The following ARHGAP33 variants were observed in gnomAD, a reference collection of about 807,000 sequenced individuals.
ARHGAP33 encodes rho GTPase-activating protein 33.
Under a neutral mutation model 126.2 loss-of-function variants are expected in ARHGAP33, and 57 were observed. That is an observed-to-expected ratio of 0.45 (90% CI 0.36 to 0.56). ARHGAP33 has a LOEUF of 0.56. Ranked by LOEUF, ARHGAP33 falls within the 20% of genes least tolerant of loss-of-function variation. The pLI, the probability that ARHGAP33 is intolerant of heterozygous loss-of-function variation, is 0.00. For missense variants in ARHGAP33, 1,500 were observed against 1,748.3 expected, an observed-to-expected ratio of 0.86 and a Z score of 2.53; for synonymous variants, 711 against 755.0, an observed-to-expected ratio of 0.94 and a Z score of 0.95.
chr19:35,787,655 C>A lies in ARHGAP33; in HGVS notation c.3090C>A (p.Pro1030=), dbSNP rs199649209. The part of the protein sequence containing the change: ...PCSVPSQVPT[P]GFFSPAPREC... ...CTGTCCCCTCACAGGTTCCTACCCC[C>A]GGCTTCTTCTCCCCAGCCCCCAGGG... Residue 1030 remains proline, a synonymous_variant, in exon 21 of 21, where the codon CCC becomes CCA. Transcript: ENST00000007510. The A allele has an allele frequency of 1.8e-5, 29 of 1,592,970 alleles. No individual in the cohort carries two copies. Among genetic ancestry groups the A allele is most frequent in the Non-Finnish European group, 2.5e-5 (29 of 1,174,360 alleles).
chr19:35,776,548 A>G (rs542249610), intron 1 of ARHGAP33, among the ~76,000 whole-genome samples: 9 of 152,324 alleles, frequency 5.9e-5, no homozygotes, highest in African/African-American at 1.7e-4. Context: ...GCTACAGCCC[A>G]GTGAATCTGT....
chr19:35,781,692 G>T (rs1971790223), intron 12 of ARHGAP33, among the ~76,000 whole-genome samples: 1 of 152,224 alleles, frequency 6.6e-6, no homozygotes, highest in African/African-American at 2.4e-5. Context: ...TCTGGAGGAG[G>T]GGAGGGGCAG....
chr19:35,784,862 C>T (rs1599794926), intron 16 of ARHGAP33, 91 bp from the exon 17 acceptor site: 7 of 1,408,618 alleles, frequency 5.0e-6, no homozygotes, highest in East Asian at 5.5e-5. Flanking sequence ...GGGCATGCTG[C>T]GGGGCCGGGG....
In ARHGAP33 at chr19:35,785,125, G is replaced by A. The variant is rs76944066; in HGVS notation, c.1721+19G>A. Reference sequence around the variant, plus strand: ...CGGAAAGGTGAGTGGGATGCTGGGGGTGGCGAGGGGCAGGTGGAGGCCTGG... The same window carrying A: ...CGGAAAGGTGAGTGGGATGCTGGGGATGGCGAGGGGCAGGTGGAGGCCTGG... On this transcript the variant is annotated intron_variant, in intron 17 of 20. Transcript: ENST00000007510. 5,795 of 1,591,004 alleles carry A rather than the reference G, an allele frequency of 3.6e-3. 316 individuals carry two copies. In the East Asian group the frequency reaches 0.12, roughly 32 times the overall value.
In ARHGAP33 at chr19:35,780,925, C is replaced by T; in HGVS notation, c.835C>T (p.Pro279Ser). Residue 279 changes from proline to serine, a missense_variant, in exon 11 of 21, where the codon CCA (proline) becomes TCA (serine). Coordinates refer to ENST00000007510, the MANE Select transcript of ARHGAP33 (RefSeq NM_001366178.1). ...QGISSLTSAV[P>S]RPRGKLAGLL... ...TTTGCCCCTTGCCCCCACAGCTGTG[C>T]CACGGCCTCGTGGGAAGCTGGCCGG... 6.2e-7 allele frequency: 1 copy of T among 1,609,572 alleles called. No homozygotes were observed. The highest frequency in any genetic ancestry group is 8.5e-7 in the Non-Finnish European group (1 of 1,179,950).
At position 35,787,659 on chromosome 19, in the gene ARHGAP33, T is replaced by C; in HGVS notation, c.3094T>C (p.Phe1032Leu). 6.3e-7 allele frequency: 1 copy of C among 1,592,680 alleles called. No individual in the cohort carries two copies. Among genetic ancestry groups the C allele is most frequent in the Non-Finnish European group, 8.5e-7 (1 of 1,173,980 alleles). ...SVPSQVPTPG[F>L]FSPAPRECLP... ...CCCCTCACAGGTTCCTACCCCCGGCTTCTTCTCCCCAGCCCCCAGGGAGTG... is the reference window on the plus strand; with the variant it reads ...CCCCTCACAGGTTCCTACCCCCGGCCTCTTCTCCCCAGCCCCCAGGGAGTG... The change falls in exon 21 of 21, where the codon TTC (phenylalanine) becomes CTC (leucine). Residue 1032 changes from phenylalanine to leucine, a missense_variant. This residue lies in a region of ARHGAP33 where 642 missense variants were observed against 634.0 expected (regional missense o/e 1.01). Transcript: ENST00000007510.
chr19:35,775,689 C>G lies in ARHGAP33; in HGVS notation c.6+25C>G, dbSNP rs147940840. On this transcript the variant is annotated intron_variant, in intron 1 of 20. Coordinates refer to ENST00000007510, the MANE Select transcript of ARHGAP33 (RefSeq NM_001366178.1). The stretch of plus-strand genomic sequence containing the variant: ...GGTAAGGGTCCCACGCGGCCGTCAG[C>G]CTGTCCGTCCGGATGTCAGTCTGTC... 7.4e-3 allele frequency: 11,393 copies of G among 1,537,218 alleles called. 392 individuals carry two copies. The highest frequency in any genetic ancestry group is 0.068 in the South Asian group (5,566 of 81,934).
Position 35,782,267 on chromosome 19 carries a change from G to C in ARHGAP33, c.1086-106G>C. The C allele has an allele frequency of 7.5e-7, 1 of 1,328,816 alleles. No individual in the cohort carries two copies. Among genetic ancestry groups the C allele is most frequent in the Non-Finnish European group, 1.0e-6 (1 of 954,298 alleles). 82.3% of individuals were successfully genotyped at this position (1,328,816 alleles called of 1,614,324 possible). On this transcript the variant is annotated intron_variant, in intron 12 of 20. Coordinates refer to ENST00000007510, the MANE Select transcript of ARHGAP33 (RefSeq NM_001366178.1). This position sits in a 1 kb window ranked among gnomAD's most constrained non-coding sequence, Gnocchi z 4.1. ...CCCAGTGTAGGACCTGGGGAAGAGG[G>C]TTCCATCCACCTGCGGGCACTTGGG...
chr19:35,780,882 C>T (rs369391023), intron 10 of ARHGAP33, 38 bp from the exon 11 acceptor site: 95 of 1,612,064 alleles, frequency 5.9e-5, no homozygotes, highest in South Asian at 8.8e-5. Context: ...GCTGACCCCA[C>T]AAGACCTGCC....
rs1971877314 is a variant in ARHGAP33 at position 35,782,928 on chromosome 19, C to A, written c.1421+59C>A. 7.0e-7 allele frequency: 1 copy of A among 1,436,778 alleles called. No homozygotes were observed. Among genetic ancestry groups the A allele is most frequent in the Non-Finnish European group, 9.6e-7 (1 of 1,046,294 alleles). The allele number at this position is 1,436,778 out of a possible 1,614,324, so 89.0% of individuals were successfully genotyped here. ...TCTTTCCCCAAAACCACCCCAGGAA[C>A]CCGCCCAGCTTTTCTTTTGTTTATT... On this transcript the variant is annotated intron_variant, in intron 15 of 20. Coordinates refer to ENST00000007510, the MANE Select transcript of ARHGAP33 (RefSeq NM_001366178.1). This position sits in a 1 kb window ranked among gnomAD's most constrained non-coding sequence, Gnocchi z 4.1.
At chr19:35,779,258 CTGTG>C in intron 6 of ARHGAP33, 134 bp downstream of exon 6, 1 of 663,166 alleles carries the variant, frequency 1.5e-6, no homozygotes, top group Non-Finnish European at 2.6e-6. Context: ...ATTTTAGTGT[CTGTG>C]TGGGCGCATG....
At chr19:35,778,622 G>A (rs1415447717) in intron 5 of ARHGAP33, 21 bp downstream of exon 5, 1 of 1,608,116 alleles carries the variant, frequency 6.2e-7, no homozygotes, top group Non-Finnish European at 8.5e-7. Flanking sequence ...TGTTGTCTCA[G>A]CCCCTGCCTC....
chr19:35,784,711 CTG>C lies in ARHGAP33; in HGVS notation c.1568-241_1568-240del, dbSNP rs983263934. On this transcript the variant is annotated intron_variant, in intron 16 of 20. Coordinates refer to ENST00000007510, the MANE Select transcript of ARHGAP33 (RefSeq NM_001366178.1). ...CGGAGGGCCCTCTGGCCCGAGGTAACTGAAGCCAGAGCCGCTGCCCTCGCTGG... is the reference window on the plus strand; with the variant it reads ...CGGAGGGCCCTCTGGCCCGAGGTAACAAGCCAGAGCCGCTGCCCTCGCTGG... The C allele has an allele frequency of 7.2e-6, 9 of 1,254,608 alleles. No individual in the cohort carries two copies. In the African/African-American group the frequency reaches 9.8e-5, roughly 14 times the overall value. 77.7% of individuals were successfully genotyped at this position (1,254,608 alleles called of 1,614,324 possible).
Position 35,786,756 on chromosome 19 carries a change from AC to A in ARHGAP33, c.2292del (p.Ala765ProfsTer10). ...GDPAPPASPA[P>X]PAPASAFPPR... Reference sequence around the variant, plus strand: ...ATCCCGCACCTCCCGCCAGCCCAGCACCCCCCGCCCCTGCCTCTGCCTTCCC... The same window carrying A: ...ATCCCGCACCTCCCGCCAGCCCAGCACCCCCGCCCCTGCCTCTGCCTTCCC... On this transcript the variant is annotated frameshift_variant, in exon 20 of 21. Coordinates refer to ENST00000007510, the MANE Select transcript of ARHGAP33 (RefSeq NM_001366178.1). LOFTEE classifies it high-confidence loss of function. The surrounding 1 kb of genome is among the most constrained non-coding windows in gnomAD (Gnocchi z 7.0). 2 of 1,497,146 alleles carry A rather than the reference AC, an allele frequency of 1.3e-6. No individual in the cohort carries two copies. Among genetic ancestry groups the A allele is most frequent in the Non-Finnish European group, 1.8e-6 (2 of 1,128,602 alleles). 92.7% of individuals were successfully genotyped at this position (1,497,146 alleles called of 1,614,324 possible).
chr19:35,777,747 G>A lies in ARHGAP33; in HGVS notation c.104+5G>A. 2 of 1,613,308 alleles carry A rather than the reference G, an allele frequency of 1.2e-6. No homozygotes were observed. Among genetic ancestry groups the A allele is most frequent in the Non-Finnish European group, 1.7e-6 (2 of 1,179,582 alleles). On this transcript the variant is annotated splice_donor_5th_base_variant and intron_variant, in intron 2 of 20. Coordinates refer to ENST00000007510, the MANE Select transcript of ARHGAP33 (RefSeq NM_001366178.1). ...GAAGGGGAAGCCTGGGAAGAGGTGA[G>A]GGTGAGGGAGGAAAGGGCTCAGCTA... is the stretch of plus-strand genomic sequence containing the variant.
chr19:35,786,182 A>G lies in ARHGAP33; in HGVS notation c.1943-231A>G, dbSNP rs1182008545. 8 of 1,387,996 alleles carry G rather than the reference A, an allele frequency of 5.8e-6. No homozygotes were observed. Among genetic ancestry groups the G allele is most frequent in the Non-Finnish European group, 6.5e-6 (7 of 1,075,100 alleles). The allele number at this position is 1,387,996 out of a possible 1,614,324, so 86.0% of individuals were successfully genotyped here. ...GCTGTCCTGCTGGCTCAGCAGCTGT[A>G]TGTGAATCTGTTGGTCTCGTGCTCA... is the stretch of plus-strand genomic sequence containing the variant. On this transcript the variant is annotated intron_variant, in intron 19 of 20. Transcript: ENST00000007510. The surrounding 1 kb of genome is among the most constrained non-coding windows in gnomAD (Gnocchi z 7.0).
rs1004695982 is a variant in ARHGAP33 at position 35,786,509 on chromosome 19, CGTCCTCCTCCTCCGA to C, written c.2052_2066del (p.Glu690_Ser694del). 1.1e-4 allele frequency: 171 copies of C among 1,535,986 alleles called. No homozygotes were observed. The highest frequency in any genetic ancestry group is 1.4e-4 in the Non-Finnish European group (166 of 1,146,864). On this transcript the variant is annotated inframe_deletion, in exon 20 of 21. Transcript: ENST00000007510. The surrounding 1 kb of genome is among the most constrained non-coding windows in gnomAD (Gnocchi z 7.0). ...GCTGGCTCCTGCGAGAGCCTGTCCTCGTCCTCCTCCTCCGAGTCCTCCTCCTCTGAGTCCTCCTCT... is the reference window on the plus strand; with the variant it reads ...GCTGGCTCCTGCGAGAGCCTGTCCTCGTCCTCCTCCTCTGAGTCCTCCTCT...
At position 35,787,385 on chromosome 19, in the gene ARHGAP33, C is replaced by T. The variant is rs538842709; in HGVS notation, c.2820C>T (p.Gly940=). The change falls in exon 21 of 21, where the codon GGC becomes GGT. Residue 940 remains glycine, a synonymous_variant. Coordinates refer to ENST00000007510, the MANE Select transcript of ARHGAP33 (RefSeq NM_001366178.1). Reference sequence around the variant, plus strand: ...ACCGCTCGCTGTCTCTGGAGGTGGGCGGGGAGCCCCTGGGGACCTCAGGGA... The same window carrying T: ...ACCGCTCGCTGTCTCTGGAGGTGGGTGGGGAGCCCCTGGGGACCTCAGGGA... ...PFHRSLSLEV[G]GEPLGTSGSG... 6.8e-5 allele frequency: 109 copies of T among 1,609,160 alleles called. No homozygotes were observed. Among genetic ancestry groups the T allele is most frequent in the South Asian group, 2.0e-4 (18 of 90,830 alleles).
intron 1 of ARHGAP33, 74 bp downstream of exon 1, chr19:35,775,738 C>T (rs1009927108): frequency 9.3e-6 from 13 of 1,403,270 alleles, no homozygotes; most frequent in African/African-American, 3.0e-5. Flanking sequence ...GCCCCGCGCG[C>T]CCCGCCCCCG....
Sources: allele counts gnomAD v4.1 joint callset (sites outside exome capture counted in the v4.1 genomes callset), GRCh38; gene constraint gnomAD v4.1.1; regional missense constraint gnomAD v4.1.1; non-coding constraint Gnocchi (gnomAD v3.1); transcripts MANE v1.5; gene names NCBI Gene and HGNC (gene_info 2026-07-23, HGNC 2026-07-21).